The following ADCY2 variants were observed in gnomAD, a reference collection of about 807,000 sequenced individuals.
The protein encoded by ADCY2 is adenylate cyclase type 2.
A neutral mutation model predicts 125.2 loss-of-function variants in ADCY2; 31 were observed. The observed-to-expected ratio is 0.25, with a 90% CI of 0.19 to 0.33. ADCY2 has a LOEUF of 0.33. Among genes scored for constraint, ADCY2 ranks in the 10% least tolerant of loss-of-function variants. The probability of loss-of-function intolerance (pLI) is 1.00; values close to 1 mark genes in which losing one functional copy is unlikely to be tolerated. For synonymous variants in ADCY2, 512 were observed against 548.4 expected (o/e 0.93, Z 0.93); for missense variants, 904 against 1,418.2 (o/e 0.64, Z 5.82).
chr5:7,399,587 A>G lies in ADCY2; in HGVS notation c.210+3081A>G, dbSNP rs531987990. 1.5e-4 allele frequency among the ~76,000 whole-genome samples: 23 copies of G among 152,360 alleles called. 1 individual carries two copies. The South Asian group carries it at 4.8e-3, about 32-fold the overall frequency. ...TCTTGGTTAATTTATTATTTTCTACATGAAAACTATTAAGTAGTTTTAATC... is the reference window on the plus strand; with the variant it reads ...TCTTGGTTAATTTATTATTTTCTACGTGAAAACTATTAAGTAGTTTTAATC... On this transcript the variant is annotated intron_variant, in intron 1 of 24. Coordinates refer to ENST00000338316, the MANE Select transcript of ADCY2 (RefSeq NM_020546.3).
intron 24 of ADCY2, among the ~76,000 whole-genome samples, chr5:7,824,688 C>G (rs533323988): frequency 6.6e-6 from 1 of 152,184 alleles, no homozygotes; most frequent in African/African-American, 2.4e-5. Context: ...ATCAGGGTCC[C>G]GAGGACCCAC....
intron 17 of ADCY2, among the ~76,000 whole-genome samples, chr5:7,769,375 T>A (rs1743490659): frequency 6.6e-6 from 1 of 152,168 alleles, no homozygotes; most frequent in African/African-American, 2.4e-5. Flanking sequence ...TATAAATGCA[T>A]ATGCATAATA....
intron 3 of ADCY2, among the ~76,000 whole-genome samples, chr5:7,534,273 G>A (rs1003058203): frequency 2.6e-5 from 4 of 152,200 alleles, no homozygotes; most frequent in Admixed American, 1.3e-4. Context: ...CCATGCTGGT[G>A]GCTGAGGGTT....
chr5:7,606,837 T>G (rs10068148), intron 3 of ADCY2, among the ~76,000 whole-genome samples: 5,259 of 151,642 alleles, frequency 0.035, 301 homozygotes, highest in African/African-American at 0.12. Context: ...CAAAAGAGTG[T>G]TTTTTTTAAA....
At chr5:7,462,425 C>T (rs1157485252) in intron 2 of ADCY2, among the ~76,000 whole-genome samples, 2 of 152,158 alleles carry the variant, frequency 1.3e-5, no homozygotes, top group African/African-American at 2.4e-5. Flanking sequence ...AAATGGCATT[C>T]CCAATACTGC....
At chr5:7,722,307 A>G (rs1741786713) in intron 12 of ADCY2, among the ~76,000 whole-genome samples, 1 of 152,182 alleles carries the variant, frequency 6.6e-6, no homozygotes, top group African/African-American at 2.4e-5. Context: ...CAACTAGTAA[A>G]GGAGGTGCTG....
chr5:7,443,135 T>C (rs1367743184), intron 2 of ADCY2, among the ~76,000 whole-genome samples: 2 of 152,122 alleles, frequency 1.3e-5, no homozygotes, highest in Non-Finnish European at 2.9e-5. Flanking sequence ...GGAATGGTGT[T>C]TAAGGAGGGC....
chr5:7,426,945 A>G (rs931078947), intron 2 of ADCY2, among the ~76,000 whole-genome samples: 2 of 152,190 alleles, frequency 1.3e-5, no homozygotes, highest in Admixed American at 6.5e-5. Context: ...TTAACATGCC[A>G]CTTTGCAATA....
chr5:7,704,833 A>C (rs112509454), intron 7 of ADCY2, among the ~76,000 whole-genome samples: 9,205 of 151,062 alleles, frequency 0.061, 607 homozygotes, highest in African/African-American at 0.17. Context: ...AGCCGAGATC[A>C]CGCCACTGCA....
chr5:7,603,321 C>T (rs557548251), intron 3 of ADCY2, among the ~76,000 whole-genome samples: 3 of 152,254 alleles, frequency 2.0e-5, no homozygotes, highest in African/African-American at 7.2e-5. Flanking sequence ...CAGTGTTTCC[C>T]GACTGTGTTG....
At chr5:7,610,661 T>C (rs1337106237) in intron 3 of ADCY2, among the ~76,000 whole-genome samples, 1 of 152,108 alleles carries the variant, frequency 6.6e-6, no homozygotes, top group African/African-American at 2.4e-5. Context: ...AGGAGTAGGC[T>C]CACTGGCTGT....
chr5:7,655,209 TG>T (rs1739279234), intron 4 of ADCY2, among the ~76,000 whole-genome samples: 1 of 152,144 alleles, frequency 6.6e-6, no homozygotes, highest in Non-Finnish European at 1.5e-5. Context: ...TTTACCTGAT[TG>T]TGTTATTTTG....
chr5:7,717,737 C>T (rs544049430), intron 12 of ADCY2, among the ~76,000 whole-genome samples: 7 of 152,266 alleles, frequency 4.6e-5, no homozygotes, highest in East Asian at 3.9e-4. Context: ...ATTGCTGTTA[C>T]GGTTTTAAAT....
At position 7,615,715 on chromosome 5, in the gene ADCY2, ACTACT is replaced by A. The variant is rs372485892; in HGVS notation, c.571-10449_571-10445del. Among the ~76,000 whole-genome samples the A allele has an allele frequency of 1.1e-4, 16 of 152,314 alleles. No individual in the cohort carries two copies. In the East Asian group the frequency reaches 2.3e-3, roughly 22 times the overall value. On this transcript the variant is annotated intron_variant, in intron 3 of 24. Transcript: ENST00000338316. ...AGGGAAATACAAAGATGCTCAGCAA[ACTACT>A]CTTGAGATAGTTCATAGTTTCAACA...
chr5:7,699,080 C>CCTT (rs1740989782), intron 7 of ADCY2, among the ~76,000 whole-genome samples: 1 of 36,558 alleles, frequency 2.7e-5, no homozygotes, highest in African/African-American at 7.5e-5. Flanking sequence ...CAACAGTAAG[C>CCTT]ATTTTTTTTT....
At chr5:7,558,561 A>G (rs13163057) in intron 3 of ADCY2, among the ~76,000 whole-genome samples, 45,493 of 151,802 alleles carry the variant, frequency 0.3, 7,951 homozygotes, top group Non-Finnish European at 0.4. Flanking sequence ...CATTTGTTTA[A>G]GTTCCTTATA....
chr5:7,780,537 T>C (rs1002977493), intron 18 of ADCY2, among the ~76,000 whole-genome samples: 3 of 152,218 alleles, frequency 2.0e-5, no homozygotes, highest in Non-Finnish European at 4.4e-5. Context: ...CTTGTTAGCC[T>C]GGTCTTTATA....
chr5:7,501,656 C>CCCCCG (rs1554014572), intron 2 of ADCY2, among the ~76,000 whole-genome samples: 1 of 110,332 alleles, frequency 9.1e-6, no homozygotes, highest in Non-Finnish European at 2.0e-5. Context: ...TCCCCCCCCC[C>CCCCCG]CCGCCAGTAA....
intron 2 of ADCY2, among the ~76,000 whole-genome samples, chr5:7,498,714 A>G (rs1399760018): frequency 6.6e-6 from 1 of 152,214 alleles, no homozygotes. Context: ...CATCAAAGAT[A>G]TGTACAAGAA....
Sources: gnomAD v4.1 joint callset for allele counts (sites outside exome capture counted in the v4.1 genomes callset) on GRCh38, gnomAD v4.1.1 for gene constraint, MANE v1.5 for transcripts, NCBI Gene and HGNC (gene_info 2026-07-23, HGNC 2026-07-21) for gene names.